CD247: variants seen among roughly 807,000 people sequenced by gnomAD.
The protein encoded by CD247 is CD247 molecule, also known as T-cell surface glycoprotein CD3 zeta chain.
In CD247, 13 loss-of-function variants were observed where a neutral mutation model predicts 30.0. The ratio of observed to expected loss-of-function variants is 0.43; its 90% CI spans 0.28 to 0.69. The LOEUF is 0.69. CD247 is among the 30% of genes least tolerant of loss of function. The pLI, the probability that CD247 is intolerant of heterozygous loss-of-function variation, is 0.16. For missense variants in CD247, 193 were observed against 212.6 expected (o/e 0.91, Z 0.57); for synonymous variants, 72 against 80.0 (o/e 0.90, Z 0.53).
chr1:167,492,645 C>T (rs1654502829), intron 1 of CD247, among the ~76,000 whole-genome samples: 1 of 152,180 alleles, frequency 6.6e-6, no homozygotes, highest in Non-Finnish European at 1.5e-5. Context: ...CCATTAGCCC[C>T]AGGTAGGGGA....
chr1:167,470,130 T>G (rs1310639540), intron 1 of CD247, among the ~76,000 whole-genome samples: 1 of 152,132 alleles, frequency 6.6e-6, no homozygotes, highest in Non-Finnish European at 1.5e-5. Flanking sequence ...GCCAGGTTGG[T>G]CTTGAACTCC....
intron 1 of CD247, among the ~76,000 whole-genome samples, chr1:167,456,499 A>G (rs1471378597): frequency 6.6e-6 from 1 of 152,224 alleles, no homozygotes; most frequent in Non-Finnish European, 1.5e-5. Context: ...TTCTAGAGTG[A>G]GAGGGGTTTC....
chr1:167,488,482 G>C (rs995069015), intron 1 of CD247, among the ~76,000 whole-genome samples: 15 of 152,166 alleles, frequency 9.9e-5, no homozygotes, highest in Admixed American at 8.5e-4. Context: ...AGGGATTCTG[G>C]CTAAACCAAC....
intron 1 of CD247, among the ~76,000 whole-genome samples, chr1:167,470,822 T>A (rs1004707354): frequency 6.6e-6 from 1 of 151,780 alleles, no homozygotes; most frequent in Non-Finnish European, 1.5e-5. Flanking sequence ...AGTGCTGCAG[T>A]CAACATCCTT....
chr1:167,465,329 T>TTTC lies in CD247; in HGVS notation c.59-24563_59-24562insGAA, dbSNP rs1486385113. On this transcript the variant is annotated intron_variant, in intron 1 of 7. Transcript: ENST00000362089. ...ACCTTCCTTTTTTTTTTCTTTTTCT[T>TTTC]TTTTTTTTTTTTTTTTGAGATGGAG... 1.1e-3 allele frequency among the ~76,000 whole-genome samples: 138 copies of TTTC among 130,400 alleles called. 3 individuals carry two copies. The highest frequency in any genetic ancestry group is 3.9e-3 in the African/African-American group (122 of 31,454). The allele number at this position is 130,400 out of a possible 152,430, so 85.5% of individuals were successfully genotyped here. A position where few individuals can be genotyped will look rare whatever the true frequency, so the allele number is the denominator to read the frequency against.
chr1:167,509,391 G>T lies in CD247; in HGVS notation c.58+9017C>A, dbSNP rs964284982. Among the ~76,000 whole-genome samples, 545 of 134,052 alleles carry T rather than the reference G, an allele frequency of 4.1e-3. 1 individual carries two copies. Among genetic ancestry groups the T allele is most frequent in the African/African-American group, 0.015 (524 of 35,406 alleles). 87.9% of individuals were successfully genotyped at this position (134,052 alleles called of 152,430 possible). ...TCTCAAAAAAAAAAAAAAAAAAAAA[G>T]AAAAGAAAAGAAATCATTATCCATC... On this transcript the variant is annotated intron_variant, in intron 1 of 7. Coordinates refer to ENST00000362089, the MANE Select transcript of CD247 (RefSeq NM_198053.3).
intron 1 of CD247, among the ~76,000 whole-genome samples, chr1:167,480,973 G>A (rs1415839128): frequency 6.6e-6 from 1 of 152,182 alleles, no homozygotes; most frequent in African/African-American, 2.4e-5. Context: ...TACATATATT[G>A]ATTCTCAACC....
At chr1:167,503,298 T>G (rs905928400) in intron 1 of CD247, among the ~76,000 whole-genome samples, 3 of 152,182 alleles carry the variant, frequency 2.0e-5, no homozygotes, top group African/African-American at 7.2e-5. Flanking sequence ...ATCCTACCCA[T>G]TCATATCCTA....
chr1:167,476,428 A>C (rs1356516660), intron 1 of CD247, among the ~76,000 whole-genome samples: 1 of 152,224 alleles, frequency 6.6e-6, no homozygotes, highest in Non-Finnish European at 1.5e-5. Flanking sequence ...TTATCTATAA[A>C]ATAGGACCAA....
intron 1 of CD247, among the ~76,000 whole-genome samples, chr1:167,480,761 G>T (rs1228735809): frequency 1.3e-5 from 2 of 152,288 alleles, no homozygotes; most frequent in South Asian, 2.1e-4. Flanking sequence ...TATGAAAACA[G>T]TTGAAAGCAT....
intron 1 of CD247, among the ~76,000 whole-genome samples, chr1:167,499,676 C>T (rs146729504): frequency 5.9e-4 from 90 of 152,264 alleles, no homozygotes; most frequent in African/African-American, 2.1e-3. Flanking sequence ...GGTATTCCTT[C>T]CTGTAAGGTT....
intron 1 of CD247, among the ~76,000 whole-genome samples, chr1:167,449,853 G>A (rs368739672): frequency 1.1e-3 from 174 of 152,176 alleles, no homozygotes; most frequent in African/African-American, 3.7e-3. Flanking sequence ...AACTTGGGAC[G>A]TGGAGGCTGC....
intron 1 of CD247, among the ~76,000 whole-genome samples, chr1:167,503,833 C>T (rs1021267349): frequency 6.8e-6 from 1 of 147,414 alleles, no homozygotes; most frequent in Admixed American, 6.6e-5. Context: ...AAAGGCCATG[C>T]CCCCCTACCC....
At chr1:167,515,705 G>T (rs543012973) in intron 1 of CD247, among the ~76,000 whole-genome samples, 5 of 152,310 alleles carry the variant, frequency 3.3e-5, no homozygotes, top group African/African-American at 1.2e-4. Flanking sequence ...GCTGGTATGG[G>T]TGTGCCCAGA....
intron 1 of CD247, among the ~76,000 whole-genome samples, chr1:167,442,100 G>A (rs1052801862): frequency 1.6e-4 from 25 of 152,226 alleles, no homozygotes; most frequent in African/African-American, 5.3e-4. Flanking sequence ...CACAGAGTGA[G>A]GCTCCGTCTC....
At chr1:167,464,887 A>C (rs1653170677) in intron 1 of CD247, among the ~76,000 whole-genome samples, 1 of 152,190 alleles carries the variant, frequency 6.6e-6, no homozygotes, top group Admixed American at 6.5e-5. Context: ...ATTTATCTGC[A>C]GTGTGTGCTC....
chr1:167,446,611 C>G (rs997556972), intron 1 of CD247, among the ~76,000 whole-genome samples: 3 of 152,172 alleles, frequency 2.0e-5, no homozygotes, highest in Non-Finnish European at 4.4e-5. Flanking sequence ...ACCTCCCACA[C>G]CATCATGCCA....
intron 4 of CD247, among the ~76,000 whole-genome samples, chr1:167,437,673 T>C (rs1181668905): frequency 6.6e-6 from 1 of 152,126 alleles, no homozygotes; most frequent in Non-Finnish European, 1.5e-5. Flanking sequence ...TTTAACTCAC[T>C]GAAGCATGGA....
intron 1 of CD247, among the ~76,000 whole-genome samples, chr1:167,461,905 C>T (rs182218281): frequency 6.6e-6 from 1 of 152,318 alleles, no homozygotes; most frequent in African/African-American, 2.4e-5. Flanking sequence ...TTGTGTCCCC[C>T]ACCCTCAAAC....
Sources: allele counts gnomAD v4.1 joint callset (sites outside exome capture counted in the v4.1 genomes callset), GRCh38; gene constraint gnomAD v4.1.1; transcripts MANE v1.5; gene names NCBI Gene and HGNC (gene_info 2026-07-23, HGNC 2026-07-21).